The following KSR2 variants were observed in gnomAD, a reference collection of about 807,000 sequenced individuals.
The protein encoded by KSR2 is kinase suppressor of ras 2.
KSR2 carries 25 observed loss-of-function variants against 107.8 expected under a neutral mutation model. The ratio of observed to expected loss-of-function variants is 0.23; its 90% CI spans 0.17 to 0.32. The LOEUF (loss-of-function observed/expected upper bound fraction) is 0.32, where lower values mean the gene tolerates loss of function less well. KSR2 is among the 10% of genes least tolerant of loss of function. KSR2 has a pLI of 1.00. For missense variants in KSR2, 887 were observed against 1,268.9 expected (o/e 0.70, Z 4.57); for synonymous variants, 480 against 507.0 (o/e 0.95, Z 0.71).
intron 5 of KSR2, among the ~76,000 whole-genome samples, chr12:117,607,305 C>T (rs992350561): frequency 6.6e-6 from 1 of 152,202 alleles, no homozygotes; most frequent in East Asian, 1.9e-4. Context: ...ATTCAAAGTG[C>T]TAAGGGCTGT....
intron 3 of KSR2, among the ~76,000 whole-genome samples, chr12:117,834,740 A>T (rs1892129822): frequency 6.6e-6 from 1 of 152,212 alleles, no homozygotes; most frequent in African/African-American, 2.4e-5. Flanking sequence ...TGATAATCAC[A>T]CTAATACCAT....
At chr12:117,785,118 C>T (rs1269889665) in intron 3 of KSR2, among the ~76,000 whole-genome samples, 1 of 152,134 alleles carries the variant, frequency 6.6e-6, no homozygotes. Context: ...TTTTCAAACG[C>T]AAAAGCAATC....
intron 3 of KSR2, among the ~76,000 whole-genome samples, chr12:117,832,190 A>G (rs903846737): frequency 3.3e-5 from 5 of 152,232 alleles, no homozygotes; most frequent in Non-Finnish European, 7.3e-5. Context: ...AGGGTGAGGC[A>G]GGAGAATCAC....
At chr12:117,738,326 G>A (rs1476325189) in intron 4 of KSR2, among the ~76,000 whole-genome samples, 1 of 152,170 alleles carries the variant, frequency 6.6e-6, no homozygotes, top group African/African-American at 2.4e-5. Context: ...TAACGACAGG[G>A]ATGCATTCCA....
chr12:117,889,604 G>T (rs1290810022), intron 1 of KSR2: 3 of 152,162 alleles, frequency 2.0e-5, no homozygotes, highest in Non-Finnish European at 4.4e-5. Flanking sequence ...AAAAACATTT[G>T]TATCTTGCTT....
At chr12:117,470,139 A>C (rs114104215) in intron 18 of KSR2, among the ~76,000 whole-genome samples, 151 of 151,526 alleles carry the variant, frequency 1.0e-3, no homozygotes, top group African/African-American at 3.3e-3. Flanking sequence ...TCATGCATGC[A>C]TCTATATATC....
chr12:117,867,316 TA>T (rs554719495), intron 1 of KSR2, among the ~76,000 whole-genome samples: 113 of 144,366 alleles, frequency 7.8e-4, no homozygotes, highest in Non-Finnish European at 7.8e-4. Flanking sequence ...ACCTTGTATT[TA>T]AAAAAAAAAA....
chr12:117,927,969 C>T (rs1160081345), intron 1 of KSR2, among the ~76,000 whole-genome samples: 1 of 152,084 alleles, frequency 6.6e-6, no homozygotes, highest in Non-Finnish European at 1.5e-5. Flanking sequence ...AAATTCTGTA[C>T]CCATTAAGCC....
At chr12:117,781,987 G>A (rs1319433490) in intron 3 of KSR2, among the ~76,000 whole-genome samples, 1 of 152,200 alleles carries the variant, frequency 6.6e-6, no homozygotes, top group Non-Finnish European at 1.5e-5. Flanking sequence ...ACTAGCAACA[G>A]AGATGTTCAT....
intron 3 of KSR2, among the ~76,000 whole-genome samples, chr12:117,797,026 CCAGAGCT>C (rs1283225700): frequency 1.3e-5 from 2 of 152,192 alleles, no homozygotes; most frequent in Admixed American, 1.3e-4. Flanking sequence ...CCCCTGATCC[CCAGAGCT>C]CACCATGCGG....
chr12:117,883,547 C>T lies in KSR2; in HGVS notation c.181-23116G>A, dbSNP rs1037766585. On this transcript the variant is annotated intron_variant, in intron 1 of 19. Coordinates refer to ENST00000339824, the MANE Select transcript of KSR2 (RefSeq NM_173598.6). ...TAACAGAGAAGGACAGTTGGTACTA[C>T]CCGGACCAACCAAAGAAAGTCTCCC... Among the ~76,000 whole-genome samples, 6 of 152,232 alleles carry T rather than the reference C, an allele frequency of 3.9e-5. No homozygotes were observed. The South Asian group carries it at 1.0e-3, about 26-fold the overall frequency.
chr12:117,577,495 C>A (rs1016562359), intron 7 of KSR2, among the ~76,000 whole-genome samples: 1 of 152,080 alleles, frequency 6.6e-6, no homozygotes, highest in Non-Finnish European at 1.5e-5. Context: ...CCAAGGCAGG[C>A]AAGATTATTA....
At chr12:117,955,038 C>T (rs1258392075) in intron 1 of KSR2, among the ~76,000 whole-genome samples, 2 of 151,376 alleles carry the variant, frequency 1.3e-5, no homozygotes, top group Admixed American at 6.6e-5. Flanking sequence ...AAAAAATTTG[C>T]CATGTAACAG....
chr12:117,582,425 CT>C, intron 5 of KSR2, 66 bp from the exon 6 acceptor site: 1 of 1,272,542 alleles, frequency 7.9e-7, no homozygotes, highest in South Asian at 1.2e-5. Flanking sequence ...CTGGCAAGGC[CT>C]GGAAGGAAAA....
At chr12:117,604,641 T>C (rs986334515) in intron 5 of KSR2, among the ~76,000 whole-genome samples, 1 of 152,220 alleles carries the variant, frequency 6.6e-6, no homozygotes, top group Non-Finnish European at 1.5e-5. Flanking sequence ...ACAGTTTTCC[T>C]AATTTTTATA....
intron 3 of KSR2, among the ~76,000 whole-genome samples, chr12:117,782,555 G>A (rs73215930): frequency 0.012 from 1,861 of 152,306 alleles, 16 homozygotes; most frequent in Non-Finnish European, 0.017. Context: ...GTGAGCCACT[G>A]TACCCAACCA....
rs373194400 is a variant in KSR2 at position 117,608,785 on chromosome 12, T to C, written c.1172-26426A>G. Among the ~76,000 whole-genome samples, 5 of 152,268 alleles carry C rather than the reference T, an allele frequency of 3.3e-5. 1 individual carries two copies. The highest frequency in any genetic ancestry group is 9.6e-5 in the African/African-American group (4 of 41,536). On this transcript the variant is annotated intron_variant, in intron 5 of 19. Coordinates refer to ENST00000339824, the MANE Select transcript of KSR2 (RefSeq NM_173598.6). ...GGGACCAATGAAAGCCAAAGTACCT[T>C]GGGCCCACACTGAACAGCATGAGGC...
At chr12:117,584,172 C>A (rs1016934040) in intron 5 of KSR2, among the ~76,000 whole-genome samples, 1 of 152,150 alleles carries the variant, frequency 6.6e-6, no homozygotes, top group Non-Finnish European at 1.5e-5. Context: ...AGAATTATAG[C>A]CCGTGGGATT....
chr12:117,853,880 G>T (rs890016567), intron 3 of KSR2, among the ~76,000 whole-genome samples: 1 of 152,122 alleles, frequency 6.6e-6, no homozygotes, highest in Non-Finnish European at 1.5e-5. Flanking sequence ...AATATCTGGG[G>T]ATATTTCCAT....
Sources: allele counts gnomAD v4.1 joint callset (sites outside exome capture counted in the v4.1 genomes callset), GRCh38; gene constraint gnomAD v4.1.1; transcripts MANE v1.5; gene names NCBI Gene and HGNC (gene_info 2026-07-23, HGNC 2026-07-21).